MARCHF1: variants seen among roughly 807,000 people sequenced by gnomAD.
MARCHF1 encodes the protein membrane associated ring-CH-type finger 1, also known as E3 ubiquitin-protein ligase MARCHF1.
Under a neutral mutation model 54.2 loss-of-function variants are expected in MARCHF1, and 40 were observed. The observed-to-expected ratio is 0.74, with a 90% confidence interval of 0.57 to 0.96. MARCHF1 has a LOEUF of 0.96. Ranked by LOEUF, MARCHF1 falls within the 40% of genes least tolerant of loss-of-function variation. The pLI is 0.00. For synonymous variants in MARCHF1, 236 were observed against 236.3 expected, an observed-to-expected ratio of 1.00 and a Z score of 0.01; for missense variants, 586 against 656.5, an observed-to-expected ratio of 0.89 and a Z score of 1.17.
chr4:164,248,951 T>C (rs1372766746), intron 1 of MARCHF1, among the ~76,000 whole-genome samples: 1 of 152,090 alleles, frequency 6.6e-6, no homozygotes, highest in African/African-American at 2.4e-5. Flanking sequence ...CATTGGAATA[T>C]GTAAATAAAC....
intron 1 of MARCHF1, among the ~76,000 whole-genome samples, chr4:164,377,089 C>T (rs1170247252): frequency 6.6e-6 from 1 of 152,124 alleles, no homozygotes; most frequent in Non-Finnish European, 1.5e-5. Flanking sequence ...ATCATTGTGT[C>T]CCAAATAGTC....
intron 1 of MARCHF1, among the ~76,000 whole-genome samples, chr4:164,252,841 T>C (rs1434522299): frequency 1.3e-5 from 2 of 152,120 alleles, no homozygotes. Flanking sequence ...TGGACAGTGA[T>C]GAGGAATATA....
intron 1 of MARCHF1, among the ~76,000 whole-genome samples, chr4:164,172,680 TA>T (rs1372989000): frequency 1.3e-5 from 2 of 152,154 alleles, no homozygotes; most frequent in African/African-American, 4.8e-5. Context: ...AAGGACACTT[TA>T]AAAAAGTCAC....
chr4:163,645,352 C>G (rs746333123), intron 5 of MARCHF1, among the ~76,000 whole-genome samples: 2 of 152,152 alleles, frequency 1.3e-5, no homozygotes, highest in Admixed American at 6.5e-5. Flanking sequence ...CACATCACAC[C>G]TGGAACCTAA....
intron 4 of MARCHF1, among the ~76,000 whole-genome samples, chr4:163,792,515 TTA>T (rs941283198): frequency 2.6e-5 from 4 of 151,898 alleles, no homozygotes; most frequent in African/African-American, 7.3e-5. Context: ...TAAATTTGAA[TTA>T]TATATATATA....
intron 6 of MARCHF1, 102 bp from the exon 7 acceptor site, chr4:163,613,140 T>G: frequency 4.0e-6 from 5 of 1,264,902 alleles, no homozygotes; most frequent in Non-Finnish European, 5.3e-6. Flanking sequence ...GGACCAGAAG[T>G]AGATAAATAA....
At chr4:164,232,788 A>G (rs548103580) in intron 1 of MARCHF1, among the ~76,000 whole-genome samples, 1 of 152,328 alleles carries the variant, frequency 6.6e-6, no homozygotes, top group East Asian at 1.9e-4. Context: ...GAGAAATTGT[A>G]TATACACACA....
intron 5 of MARCHF1, among the ~76,000 whole-genome samples, chr4:163,668,380 G>T (rs1040404653): frequency 1.7e-4 from 26 of 152,124 alleles, no homozygotes; most frequent in African/African-American, 6.3e-4. Context: ...AGGTGAAGTA[G>T]ATATATAAAC....
rs1193325128 is a variant in MARCHF1, at chr4:163,612,813, G to A, written c.468C>T (p.Tyr156=). 2 of 1,535,242 alleles carry A rather than the reference G, an allele frequency of 1.3e-6. No homozygotes were observed. The highest frequency in any genetic ancestry group is 1.7e-6 in the Non-Finnish European group (2 of 1,146,496). The change falls in exon 7 of 10, where the codon TAC becomes TAT. Residue 156 remains tyrosine (Y), a synonymous_variant. Coordinates refer to ENST00000514618, the MANE Select transcript of MARCHF1 (RefSeq NM_001394959.1). The part of the protein sequence containing the change: ...QISSPRWREL[Y]TDSSDSSSTD... ...TGGAAGATGAATCTGAAGAATCTGT[G>A]TAAAGCTCCCTCCACCTGGGGCTTG...
intron 2 of MARCHF1, among the ~76,000 whole-genome samples, chr4:164,085,221 C>A (rs1301324521): frequency 1.3e-5 from 2 of 151,760 alleles, no homozygotes; most frequent in African/African-American, 4.8e-5. Flanking sequence ...TCATATTTAA[C>A]AATTCTATTT....
At chr4:164,333,970 C>A (rs111599495) in intron 1 of MARCHF1, among the ~76,000 whole-genome samples, 1 of 152,138 alleles carries the variant, frequency 6.6e-6, no homozygotes, top group East Asian at 1.9e-4. Context: ...TAAGCCAAAG[C>A]GTAATCCAGA....
chr4:164,126,591 C>T (rs890267233), intron 1 of MARCHF1, among the ~76,000 whole-genome samples: 5 of 152,042 alleles, frequency 3.3e-5, no homozygotes, highest in African/African-American at 9.7e-5. Context: ...TTTTGAAATA[C>T]GTTGTAGAAA....
chr4:164,175,064 A>G (rs1184355621), intron 1 of MARCHF1, among the ~76,000 whole-genome samples: 1 of 152,132 alleles, frequency 6.6e-6, no homozygotes, highest in Non-Finnish European at 1.5e-5. Flanking sequence ...TCCTAGTTCT[A>G]CTTCTTACTA....
At chr4:163,845,800 C>G (rs1318185219) in intron 4 of MARCHF1, among the ~76,000 whole-genome samples, 1 of 152,048 alleles carries the variant, frequency 6.6e-6, no homozygotes, top group East Asian at 1.9e-4. Context: ...TTGTGAATAA[C>G]CATGTTTTGA....
chr4:163,988,213 A>C (rs1752906649), intron 3 of MARCHF1, among the ~76,000 whole-genome samples: 1 of 152,244 alleles, frequency 6.6e-6, no homozygotes, highest in South Asian at 2.1e-4. Flanking sequence ...CCCACAAGCC[A>C]TAAAAGTCAA....
At chr4:163,755,657 G>A (rs1456115821) in intron 4 of MARCHF1, among the ~76,000 whole-genome samples, 1 of 149,088 alleles carries the variant, frequency 6.7e-6, no homozygotes, top group African/African-American at 2.5e-5. Flanking sequence ...AAGATCCAAA[G>A]TTGAACCTTG....
chr4:163,555,370 C>T (rs752963354), intron 8 of MARCHF1, among the ~76,000 whole-genome samples: 15 of 152,166 alleles, frequency 9.9e-5, no homozygotes, highest in Admixed American at 1.3e-4. Flanking sequence ...TAATATCTGA[C>T]GGTTTTTCAC....
At position 163,527,389 on chromosome 4, in the gene MARCHF1, G is replaced by T. The variant is rs1404835554; in HGVS notation, c.*1359C>A. On this transcript the variant is annotated 3_prime_UTR_variant, in exon 10 of 10. Coordinates refer to ENST00000514618, the MANE Select transcript of MARCHF1 (RefSeq NM_001394959.1). ...GTCATAATTACTCATCATCTGTCAA[G>T]TTGACACCTCATATGGATGAAATAA... 1 of 152,072 alleles carries T rather than the reference G, an allele frequency of 6.6e-6. No homozygotes were observed. Among genetic ancestry groups the T allele is most frequent in the African/African-American group, 2.4e-5 (1 of 41,444 alleles). The allele number at this position is 152,072 out of a possible 1,614,324, so 9.4% of individuals were successfully genotyped here.
intron 1 of MARCHF1, among the ~76,000 whole-genome samples, chr4:164,346,521 T>C (rs975976484): frequency 6.6e-6 from 1 of 151,254 alleles, no homozygotes; most frequent in Non-Finnish European, 1.5e-5. Flanking sequence ...TCTTCATCTT[T>C]TGCCTCTTGG....
Sources: gnomAD v4.1 joint callset for allele counts (sites outside exome capture counted in the v4.1 genomes callset) on GRCh38, gnomAD v4.1.1 for gene constraint, MANE v1.5 for transcripts, NCBI Gene and HGNC (gene_info 2026-07-23, HGNC 2026-07-21) for gene names.